The following RMRP variants were observed in gnomAD, a reference collection of about 807,000 sequenced individuals.
RMRP encodes the protein RNA component of mitochondrial RNA processing endoribonuclease.
chr9:35,657,938 C>A (rs565037825), exon 1 of RMRP: 1 of 700,444 alleles, frequency 1.4e-6, no homozygotes, highest in Non-Finnish European at 2.6e-6. Context: ...TGCCCGAGGT[C>A]CGGGGACTTT....
chr9:35,657,904 C>CT lies in RMRP; in HGVS notation n.113_114insA, dbSNP rs769131655. On this transcript the variant is annotated non_coding_transcript_exon_variant, in exon 1 of 1. Coordinates refer to ENST00000363046, the Ensembl canonical transcript of RMRP. ...TGGAGTGGGAAGCGGGGAATGTCTA[C>CT]GTGCGTATGCACGTGGCACTCTCTG... is the stretch of plus-strand genomic sequence containing the variant. The CT allele has an allele frequency of 1.0e-5, 7 of 700,438 alleles. No homozygotes were observed. Among genetic ancestry groups the CT allele is most frequent in the Non-Finnish European group, 1.6e-5 (6 of 384,820 alleles). The allele number at this position is 700,438 out of a possible 1,614,324, so 43.4% of individuals were successfully genotyped here.
rs192060920 is a variant in RMRP at position 35,657,807 on chromosome 9, G to A, written n.211C>T. The stretch of plus-strand genomic sequence containing the variant: ...TGGTGCGCGGACACGCACTGCCTGC[G>A]TAACTAGAGGGAGCTGACGGATGAC... On this transcript the variant is annotated non_coding_transcript_exon_variant, in exon 1 of 1. Transcript: ENST00000363046. 3.6e-5 allele frequency: 25 copies of A among 692,410 alleles called. No individual in the cohort carries two copies. The highest frequency in any genetic ancestry group is 1.4e-4 in the Admixed American group (7 of 49,532). The allele number at this position is 692,410 out of a possible 1,614,324, so 42.9% of individuals were successfully genotyped here.
exon 1 of RMRP, chr9:35,657,945 C>T (rs1823621751): frequency 2.9e-6 from 2 of 700,452 alleles, no homozygotes; most frequent in Non-Finnish European, 5.2e-6. Flanking sequence ...GGTCCGGGGA[C>T]TTTCCCCTAG....
Position 35,657,929 on chromosome 9 carries a change from G to C in RMRP, n.89C>G, listed in dbSNP as rs1418128709. On this transcript the variant is annotated non_coding_transcript_exon_variant, in exon 1 of 1. Coordinates refer to ENST00000363046, the Ensembl canonical transcript of RMRP. The stretch of plus-strand genomic sequence containing the variant: ...CGTGCGTATGCACGTGGCACTCTCT[G>C]CCCGAGGTCCGGGGACTTTCCCCTA... 1 of 700,356 alleles carries C rather than the reference G, an allele frequency of 1.4e-6. No individual in the cohort carries two copies. The highest frequency in any genetic ancestry group is 1.7e-5 in the African/African-American group (1 of 57,210). 43.4% of individuals were successfully genotyped at this position (700,356 alleles called of 1,614,324 possible).
chr9:35,657,998 T>C, exon 1 of RMRP: 4 of 697,376 alleles, frequency 5.7e-6, no homozygotes, highest in East Asian at 2.7e-5. Context: ...TAGCCTAGGA[T>C]ACAGGCCTTC....
chr9:35,657,845 C>T, exon 1 of RMRP: 1 of 693,818 alleles, frequency 1.4e-6, no homozygotes, highest in Non-Finnish European at 2.6e-6. Flanking sequence ...CCCCGCGCCA[C>T]GCCGCTCAGC....
chr9:35,657,792 A>G lies in RMRP; in HGVS notation n.226T>C, dbSNP rs2131808028. Reference sequence around the variant, plus strand: ...TGAGCCCCGTGTGGTTGGTGCGCGGACACGCACTGCCTGCGTAACTAGAGG... The same window carrying G: ...TGAGCCCCGTGTGGTTGGTGCGCGGGCACGCACTGCCTGCGTAACTAGAGG... On this transcript the variant is annotated non_coding_transcript_exon_variant, in exon 1 of 1. Coordinates refer to ENST00000363046, the Ensembl canonical transcript of RMRP. The G allele has an allele frequency of 2.9e-6, 2 of 699,424 alleles. No individual in the cohort carries two copies. Among genetic ancestry groups the G allele is most frequent in the Admixed American group, 2.0e-5 (1 of 50,000 alleles). The allele number at this position is 699,424 out of a possible 1,614,324, so 43.3% of individuals were successfully genotyped here.
chr9:35,657,757 G>T, exon 1 of RMRP: 1 of 686,116 alleles, frequency 1.5e-6, no homozygotes, highest in Non-Finnish European at 2.7e-6. Flanking sequence ...AAAAACAGCC[G>T]CGCTGAGAAT....
In RMRP at chr9:35,657,907, G is replaced by A. The variant is rs1479610947; in HGVS notation, n.111C>T. On this transcript the variant is annotated non_coding_transcript_exon_variant, in exon 1 of 1. Coordinates refer to ENST00000363046, the Ensembl canonical transcript of RMRP. ...AGTGGGAAGCGGGGAATGTCTACGT[G>A]CGTATGCACGTGGCACTCTCTGCCC... 5 of 699,386 alleles carry A rather than the reference G, an allele frequency of 7.1e-6. No homozygotes were observed. Among genetic ancestry groups the A allele is most frequent in the African/African-American group, 1.8e-5 (1 of 56,334 alleles). 43.3% of individuals were successfully genotyped at this position (699,386 alleles called of 1,614,324 possible). A position where few individuals can be genotyped will look rare whatever the true frequency, so the allele number is the denominator to read the frequency against.
At position 35,657,883 on chromosome 9, in the gene RMRP, G is replaced by A. The variant is rs940224067; in HGVS notation, n.135C>T. ...GATACGCTTCTTGGCGGACTTTGGA[G>A]TGGGAAGCGGGGAATGTCTACGTGC... On this transcript the variant is annotated non_coding_transcript_exon_variant, in exon 1 of 1. Transcript: ENST00000363046. The A allele has an allele frequency of 2.7e-5, 19 of 695,434 alleles. No homozygotes were observed. Among genetic ancestry groups the A allele is most frequent in the African/African-American group, 2.3e-4 (12 of 53,042 alleles). The allele number at this position is 695,434 out of a possible 1,614,324, so 43.1% of individuals were successfully genotyped here. A position where few individuals can be genotyped will look rare whatever the true frequency, so the allele number is the denominator to read the frequency against.
At position 35,657,880 on chromosome 9, in the gene RMRP, G is replaced by A. The variant is rs746248517; in HGVS notation, n.138C>T. The A allele has an allele frequency of 8.2e-5, 57 of 694,922 alleles. No homozygotes were observed. Among genetic ancestry groups the A allele is most frequent in the South Asian group, 4.4e-4 (30 of 67,516 alleles). The allele number at this position is 694,922 out of a possible 1,614,324, so 43.0% of individuals were successfully genotyped here. A position where few individuals can be genotyped will look rare whatever the true frequency, so the allele number is the denominator to read the frequency against. On this transcript the variant is annotated non_coding_transcript_exon_variant, in exon 1 of 1. Coordinates refer to ENST00000363046, the Ensembl canonical transcript of RMRP. ...CGGGATACGCTTCTTGGCGGACTTT[G>A]GAGTGGGAAGCGGGGAATGTCTACG...
exon 1 of RMRP, chr9:35,657,826 G>T: frequency 1.4e-6 from 1 of 693,050 alleles, no homozygotes; most frequent in South Asian, 1.5e-5. Flanking sequence ...GGGAGCTGAC[G>T]GATGACGCCC....
At chr9:35,657,763 A>G (rs1468840341) in exon 1 of RMRP, 2 of 688,710 alleles carry the variant, frequency 2.9e-6, no homozygotes, top group African/African-American at 1.8e-5. Flanking sequence ...AGCCGCGCTG[A>G]GAATGAGCCC....
In RMRP at chr9:35,657,823, G is replaced by GA. The variant is rs796065036; in HGVS notation, n.194dup. 8.7e-6 allele frequency: 6 copies of GA among 692,778 alleles called. No individual in the cohort carries two copies. The African/African-American group carries it at 1.2e-4, about 14-fold the overall frequency. The allele number at this position is 692,778 out of a possible 1,614,324, so 42.9% of individuals were successfully genotyped here. ...ACTGCCTGCGTAACTAGAGGGAGCT[G>GA]ACGGATGACGCCCCCGCGCCACGCC... On this transcript the variant is annotated non_coding_transcript_exon_variant, in exon 1 of 1. Transcript: ENST00000363046.
chr9:35,657,837 C>G, exon 1 of RMRP: 1 of 693,358 alleles, frequency 1.4e-6, no homozygotes. Flanking sequence ...GATGACGCCC[C>G]CGCGCCACGC....
chr9:35,658,006 T>G lies in RMRP; in HGVS notation n.12A>C, dbSNP rs534146932. 1.3e-5 allele frequency: 9 copies of G among 693,610 alleles called. No individual in the cohort carries two copies. Among genetic ancestry groups the G allele is most frequent in the Non-Finnish European group, 1.8e-5 (7 of 379,490 alleles). 43.0% of individuals were successfully genotyped at this position (693,610 alleles called of 1,614,324 possible). A position where few individuals can be genotyped will look rare whatever the true frequency, so the allele number is the denominator to read the frequency against. ...CAGTGTGTAGCCTAGGATACAGGCC[T>G]TCAGCACGAACCACGTCCTCAGCTT... is the stretch of plus-strand genomic sequence containing the variant. On this transcript the variant is annotated non_coding_transcript_exon_variant, in exon 1 of 1. Coordinates refer to ENST00000363046, the Ensembl canonical transcript of RMRP.
In RMRP at chr9:35,657,871, G is replaced by C. The variant is rs1085307765; in HGVS notation, n.147C>G. 3 of 700,366 alleles carry C rather than the reference G, an allele frequency of 4.3e-6. No individual in the cohort carries two copies. Among genetic ancestry groups the C allele is most frequent in the Non-Finnish European group, 7.8e-6 (3 of 384,838 alleles). 43.4% of individuals were successfully genotyped at this position (700,366 alleles called of 1,614,324 possible). A position where few individuals can be genotyped will look rare whatever the true frequency, so the allele number is the denominator to read the frequency against. On this transcript the variant is annotated non_coding_transcript_exon_variant, in exon 1 of 1. Transcript: ENST00000363046. ...GCCGCTCAGCGGGATACGCTTCTTG[G>C]CGGACTTTGGAGTGGGAAGCGGGGA...
Position 35,657,781 on chromosome 9 carries a change from T to C in RMRP, n.237A>G, listed in dbSNP as rs2131807964. Reference sequence around the variant, plus strand: ...CGCGCTGAGAATGAGCCCCGTGTGGTTGGTGCGCGGACACGCACTGCCTGC... The same window carrying C: ...CGCGCTGAGAATGAGCCCCGTGTGGCTGGTGCGCGGACACGCACTGCCTGC... On this transcript the variant is annotated non_coding_transcript_exon_variant, in exon 1 of 1. Coordinates refer to ENST00000363046, the Ensembl canonical transcript of RMRP. 2.9e-6 allele frequency: 2 copies of C among 697,036 alleles called. No homozygotes were observed. Among genetic ancestry groups the C allele is most frequent in the East Asian group, 2.7e-5 (1 of 37,204 alleles). 43.2% of individuals were successfully genotyped at this position (697,036 alleles called of 1,614,324 possible).
chr9:35,657,851 T>G lies in RMRP; in HGVS notation n.167A>C. On this transcript the variant is annotated non_coding_transcript_exon_variant, in exon 1 of 1. Transcript: ENST00000363046. Reference sequence around the variant, plus strand: ...GGATGACGCCCCCGCGCCACGCCGCTCAGCGGGATACGCTTCTTGGCGGAC... The same window carrying G: ...GGATGACGCCCCCGCGCCACGCCGCGCAGCGGGATACGCTTCTTGGCGGAC... 1 of 700,442 alleles carries G rather than the reference T, an allele frequency of 1.4e-6. No homozygotes were observed. The highest frequency in any genetic ancestry group is 2.6e-6 in the Non-Finnish European group (1 of 384,824). 43.4% of individuals were successfully genotyped at this position (700,442 alleles called of 1,614,324 possible).
Sources: allele counts gnomAD v4.1 joint callset, GRCh38; gene constraint gnomAD v4.1.1; transcripts MANE v1.5; gene names NCBI Gene and HGNC (gene_info 2026-07-23, HGNC 2026-07-21).